Variants in ANTXR1 observed in about 807,000 individuals in gnomAD.
ANTXR1 encodes ANTXR cell adhesion molecule 1, also known as anthrax toxin receptor 1.
Under a neutral mutation model 78.1 loss-of-function variants are expected in ANTXR1, and 19 were observed. That is an observed-to-expected ratio of 0.24 (90% confidence interval 0.17 to 0.36). The LOEUF is 0.36. ANTXR1 is among the 10% of genes least tolerant of loss of function. The pLI, the probability that ANTXR1 is intolerant of heterozygous loss-of-function variation, is 1.00. For synonymous variants in ANTXR1, 273 were observed against 260.5 expected (o/e 1.05, Z -0.46); for missense variants, 518 against 718.6 (o/e 0.72, Z 3.19).
Position 69,092,047 on chromosome 2 carries a change from G to GAGT in ANTXR1, c.703+1129_703+1131dup, listed in dbSNP as rs751905270. Among the ~76,000 whole-genome samples the GAGT allele has an allele frequency of 3.4e-4, 51 of 152,202 alleles. 1 individual carries two copies. The highest frequency in any genetic ancestry group is 1.4e-3 in the South Asian group (7 of 4,834). On this transcript the variant is annotated intron_variant, in intron 9 of 17. Transcript: ENST00000303714. ...ATAAGGAAGGAAAAACTGTGTGTGT[G>GAGT]AGTTCCTGTCCCCCAGAAACTTGCA...
intron 14 of ANTXR1, 86 bp downstream of exon 14, chr2:69,170,375 C>A: frequency 2.0e-6 from 3 of 1,482,138 alleles, no homozygotes; most frequent in Non-Finnish European, 1.9e-6. Context: ...CACTTAGCCC[C>A]CTGCAGAGCA....
rs561437545 is a variant in ANTXR1, at chr2:69,014,119, C to T, written c.152+468C>T. 9.4e-4 allele frequency among the ~76,000 whole-genome samples: 143 copies of T among 152,276 alleles called. 3 individuals carry two copies. The highest frequency in any genetic ancestry group is 5.1e-3 in the Admixed American group (78 of 15,308). ...TGTTTTGTTTTGAAACGCTGTCCCACGGAAGGCATTATCTTTGCTCCTAAT... is the reference window on the plus strand; with the variant it reads ...TGTTTTGTTTTGAAACGCTGTCCCATGGAAGGCATTATCTTTGCTCCTAAT... On this transcript the variant is annotated intron_variant, in intron 1 of 17. Transcript: ENST00000303714.
rs1421531620 is a variant in ANTXR1, at chr2:69,044,722, GA to G, written c.225-19del. On this transcript the variant is annotated intron_variant, in intron 2 of 17. Coordinates refer to ENST00000303714, the MANE Select transcript of ANTXR1 (RefSeq NM_032208.3). ...CGCAGTCTTATTGTCTGTCCTAATA[GA>G]GCTTCTTTTCCTTTCCAGCCCACAG... 6 of 1,613,184 alleles carry G rather than the reference GA, an allele frequency of 3.7e-6. No homozygotes were observed. The highest frequency in any genetic ancestry group is 5.1e-6 in the Non-Finnish European group (6 of 1,179,340).
chr2:69,091,935 A>C (rs919023377), intron 9 of ANTXR1, among the ~76,000 whole-genome samples: 1 of 152,194 alleles, frequency 6.6e-6, no homozygotes, highest in Non-Finnish European at 1.5e-5. Context: ...ATAATTCTTG[A>C]CAGGTTCCCC....
chr2:69,030,765 A>G (rs1671506841), intron 1 of ANTXR1, among the ~76,000 whole-genome samples: 1 of 152,182 alleles, frequency 6.6e-6, no homozygotes, highest in African/African-American at 2.4e-5. Flanking sequence ...CCAAGGCGCA[A>G]TTTTTCCAGT....
Position 69,212,753 on chromosome 2 carries a change from G to T in ANTXR1, c.1434+19338G>T, listed in dbSNP as rs192698210. ...TCTAGCCTTGACCTCTGGGACTCAA[G>T]TGATCCTCCTACCTCTGCCTCCCAA... On this transcript the variant is annotated intron_variant, in intron 17 of 17. Transcript: ENST00000303714. Among the ~76,000 whole-genome samples, 64 of 152,188 alleles carry T rather than the reference G, an allele frequency of 4.2e-4. No homozygotes were observed. In the East Asian group the frequency reaches 0.011, roughly 27 times the overall value.
chr2:69,222,836 T>C (rs966687239), intron 17 of ANTXR1, among the ~76,000 whole-genome samples: 2 of 152,244 alleles, frequency 1.3e-5, no homozygotes, highest in Non-Finnish European at 2.9e-5. Flanking sequence ...TAAACCACTT[T>C]CGCATGGCCC....
At chr2:69,017,085 A>C (rs190731291) in intron 1 of ANTXR1, among the ~76,000 whole-genome samples, 57 of 152,308 alleles carry the variant, frequency 3.7e-4, no homozygotes, top group African/African-American at 1.3e-3. Context: ...GCTGAATGAA[A>C]AACTTGCTAG....
At chr2:69,020,918 C>G (rs1350260540) in intron 1 of ANTXR1, among the ~76,000 whole-genome samples, 2 of 152,132 alleles carry the variant, frequency 1.3e-5, no homozygotes, top group African/African-American at 4.8e-5. Context: ...CTATTGCAAG[C>G]AATGTCCTGC....
intron 17 of ANTXR1, among the ~76,000 whole-genome samples, chr2:69,216,498 C>T (rs1249665833): frequency 2.0e-5 from 3 of 152,264 alleles, no homozygotes; most frequent in African/African-American, 7.2e-5. Context: ...CATGTACACG[C>T]ACACACACGA....
intron 17 of ANTXR1, among the ~76,000 whole-genome samples, chr2:69,199,423 T>G (rs978516189): frequency 3.3e-5 from 5 of 152,312 alleles, no homozygotes; most frequent in Middle Eastern, 3.4e-3. Flanking sequence ...AGCCGCCCCT[T>G]TTCTATATTT....
In ANTXR1 at chr2:69,041,838, A is replaced by G. The variant is rs372284692; in HGVS notation, c.224+1723A>G. On this transcript the variant is annotated intron_variant, in intron 2 of 17. Transcript: ENST00000303714. ...AGGACCAGGGAGGTTGACATGGCTT[A>G]ATCCAGACAAGGCACCCTTCTCTGG... Among the ~76,000 whole-genome samples the G allele has an allele frequency of 3.3e-5, 5 of 152,278 alleles. No individual in the cohort carries two copies. The South Asian group carries it at 1.0e-3, about 32-fold the overall frequency.
chr2:69,101,619 G>A (rs1455506760), intron 9 of ANTXR1, among the ~76,000 whole-genome samples: 1 of 152,196 alleles, frequency 6.6e-6, no homozygotes. Flanking sequence ...GACTGAAGGT[G>A]GCATATACTC....
At chr2:69,058,006 C>T (rs1670115324) in intron 3 of ANTXR1, among the ~76,000 whole-genome samples, 1 of 152,146 alleles carries the variant, frequency 6.6e-6, no homozygotes, top group South Asian at 2.1e-4. Context: ...CAAAGTAAAG[C>T]TCTAACTCTA....
At chr2:69,238,372 T>A (rs1675821709) in intron 17 of ANTXR1, among the ~76,000 whole-genome samples, 1 of 152,176 alleles carries the variant, frequency 6.6e-6, no homozygotes, top group Admixed American at 6.5e-5. Context: ...CTGCAGCACC[T>A]TTGAGGACAT....
At chr2:69,168,404 C>T (rs1226928712) in intron 13 of ANTXR1, among the ~76,000 whole-genome samples, 1 of 152,180 alleles carries the variant, frequency 6.6e-6, no homozygotes, top group Non-Finnish European at 1.5e-5. Context: ...TCATCAAATC[C>T]TGACAGTCAG....
intron 12 of ANTXR1, among the ~76,000 whole-genome samples, chr2:69,150,238 G>C (rs1271960737): frequency 6.6e-6 from 1 of 152,208 alleles, no homozygotes; most frequent in East Asian, 1.9e-4. Flanking sequence ...GTGTTACCCT[G>C]AACAGACCAC....
rs777405564 is a variant in ANTXR1 at position 69,245,391 on chromosome 2, C to A, written c.1601C>A (p.Pro534Gln). 1.2e-5 allele frequency: 19 copies of A among 1,533,508 alleles called. No homozygotes were observed. Among genetic ancestry groups the A allele is most frequent in the Middle Eastern group, 4.5e-4 (2 of 4,422 alleles). 95.0% of individuals were successfully genotyped at this position (1,533,508 alleles called of 1,614,324 possible). A position where few individuals can be genotyped will look rare whatever the true frequency, so the allele number is the denominator to read the frequency against. The change falls in exon 18 of 18, where the codon CCG (proline) becomes CAG (glutamine). Residue 534 changes from proline to glutamine, a missense_variant. By Grantham distance (76) the Pro-to-Gln change is moderately conservative (BLOSUM62 -1). Coordinates refer to ENST00000303714, the MANE Select transcript of ANTXR1 (RefSeq NM_032208.3). ...CCCAGCGCCCCTACCCCTCCCATCC[C>A]GTCCCCACCTTCCACCCTTCCCCCT... ...PPPSAPTPPI[P>Q]SPPSTLPPPP...
intron 3 of ANTXR1, 92 bp from the exon 4 acceptor site, chr2:69,070,555 C>A: frequency 8.6e-7 from 1 of 1,165,856 alleles, no homozygotes; most frequent in South Asian, 1.2e-5. Context: ...ACAGCAGTAT[C>A]CACAGAGGTA....
Sources: gnomAD v4.1 joint callset for allele counts (sites outside exome capture counted in the v4.1 genomes callset) on GRCh38, gnomAD v4.1.1 for gene constraint, MANE v1.5 for transcripts, NCBI Gene and HGNC (gene_info 2026-07-23, HGNC 2026-07-21) for gene names.